LSM3: variants seen among roughly 807,000 people sequenced by gnomAD.
LSM3 encodes the protein U6 snRNA-associated Sm-like protein LSm3.
LSM3 carries 14 observed loss-of-function variants against 15.4 expected under a neutral mutation model. That is an observed-to-expected ratio of 0.91 (90% confidence interval 0.60 to 1.42). The LOEUF is 1.42. Ranked by LOEUF, LSM3 falls within the 40% of genes most tolerant of loss-of-function variation. The pLI is 0.00. For missense variants in LSM3, 88 were observed against 127.9 expected, an observed-to-expected ratio of 0.69 and a Z score of 1.50; for synonymous variants, 46 against 45.1, an observed-to-expected ratio of 1.02 and a Z score of -0.08.
Position 14,199,492 on chromosome 3 carries a change from T to C in LSM3, c.*1376T>C, listed in dbSNP as rs1467160483. ...CACAAATGCACAGTACTTTAAGCCTTGTGCAAGAAAGATGCTTTCAGTAAA... is the reference window on the plus strand; with the variant it reads ...CACAAATGCACAGTACTTTAAGCCTCGTGCAAGAAAGATGCTTTCAGTAAA... On this transcript the variant is annotated 3_prime_UTR_variant, in exon 4 of 4. Transcript: ENST00000306024. 6.6e-6 allele frequency: 1 copy of C among 152,208 alleles called. No homozygotes were observed. The highest frequency in any genetic ancestry group is 1.5e-5 in the Non-Finnish European group (1 of 68,028). The allele number at this position is 152,208 out of a possible 1,614,324, so 9.4% of individuals were successfully genotyped here.
chr3:14,184,908 T>G (rs1182112603), intron 3 of LSM3, among the ~76,000 whole-genome samples: 1 of 151,164 alleles, frequency 6.6e-6, no homozygotes, highest in Non-Finnish European at 1.5e-5. Flanking sequence ...ATACAAAAAA[T>G]TAGCTGGGTG....
intron 3 of LSM3, among the ~76,000 whole-genome samples, chr3:14,189,188 A>C (rs1697117244): frequency 6.6e-6 from 1 of 152,158 alleles, no homozygotes; most frequent in African/African-American, 2.4e-5. Flanking sequence ...ACATTGTCTT[A>C]ATCCAGTCTA....
chr3:14,191,759 G>A (rs1697142064), intron 3 of LSM3, among the ~76,000 whole-genome samples: 1 of 151,336 alleles, frequency 6.6e-6, no homozygotes, highest in South Asian at 2.1e-4. Context: ...ATTTTTTTAG[G>A]GTTTTTCGTG....
intron 3 of LSM3, among the ~76,000 whole-genome samples, chr3:14,194,322 C>T (rs1697168652): frequency 6.6e-6 from 1 of 152,200 alleles, no homozygotes; most frequent in African/African-American, 2.4e-5. Context: ...AGCCGTCAGG[C>T]AGAGACGTTT....
intron 1 of LSM3, among the ~76,000 whole-genome samples, chr3:14,180,371 C>G (rs1201820492): frequency 6.6e-6 from 1 of 151,996 alleles, no homozygotes; most frequent in East Asian, 1.9e-4. Flanking sequence ...TCACTGCAAC[C>G]TCTGCCTCCT....
At chr3:14,194,007 C>G (rs543399406) in intron 3 of LSM3, among the ~76,000 whole-genome samples, 1 of 152,290 alleles carries the variant, frequency 6.6e-6, no homozygotes, top group East Asian at 1.9e-4. Flanking sequence ...GTGTTTGTTT[C>G]TTTCCTTCCA....
Position 14,198,081 on chromosome 3 carries a change from G to A in LSM3, c.274G>A (p.Val92Ile), listed in dbSNP as rs775170512. 9.9e-6 allele frequency: 16 copies of A among 1,613,596 alleles called. No homozygotes were observed. The highest frequency in any genetic ancestry group is 1.7e-4 in the Middle Eastern group (1 of 5,872). ...IPMLFVRGDGVVLVAPPLRVG is the reference protein window; with the variant it reads ...IPMLFVRGDGIVLVAPPLRVG The stretch of plus-strand genomic sequence containing the variant: ...AATGCTCTTTGTCCGGGGAGATGGC[G>A]TTGTCCTGGTTGCCCCTCCACTGAG... Residue 92 changes from valine (V) to isoleucine (I), a missense_variant, in exon 4 of 4, where the codon GTT (valine) becomes ATT (isoleucine). By Grantham distance (29) the Val-to-Ile change is conservative. Transcript: ENST00000306024.
Position 14,200,940 on chromosome 3 carries a change from T to A in LSM3, c.*2824T>A, listed in dbSNP as rs865899075. On this transcript the variant is annotated 3_prime_UTR_variant, in exon 4 of 4. Transcript: ENST00000306024. ...TGAGCCCAGGAGTTCGAGATCAGCC[T>A]GAGCAACATAACAAGACCCTGTCTC... The A allele has an allele frequency of 9.2e-5, 14 of 152,314 alleles. No individual in the cohort carries two copies. The highest frequency in any genetic ancestry group is 3.4e-4 in the African/African-American group (14 of 41,556). 9.4% of individuals were successfully genotyped at this position (152,314 alleles called of 1,614,324 possible).
intron 3 of LSM3, among the ~76,000 whole-genome samples, chr3:14,190,233 A>G (rs914949480): frequency 6.6e-6 from 1 of 152,204 alleles, no homozygotes; most frequent in African/African-American, 2.4e-5. Context: ...AAGTAGTATG[A>G]TGCCTCCAGC....
intron 3 of LSM3, among the ~76,000 whole-genome samples, chr3:14,185,419 A>AT (rs1346253217): frequency 6.6e-6 from 1 of 152,208 alleles, no homozygotes; most frequent in Non-Finnish European, 1.5e-5. Flanking sequence ...TTTATGAACA[A>AT]TAACTATTTT....
chr3:14,180,540 C>T (rs1007445677), intron 1 of LSM3, among the ~76,000 whole-genome samples: 2 of 152,264 alleles, frequency 1.3e-5, no homozygotes, highest in Middle Eastern at 6.8e-3. Context: ...CTGCCTTTCT[C>T]AGCCGCCCAA....
At chr3:14,184,345 A>G (rs778327727) in intron 3 of LSM3, among the ~76,000 whole-genome samples, 38 of 152,366 alleles carry the variant, frequency 2.5e-4, no homozygotes, top group Non-Finnish European at 4.7e-4. Context: ...GTGGCTATGT[A>G]TAATAGTGTG....
chr3:14,189,419 A>G (rs1418004528), intron 3 of LSM3, among the ~76,000 whole-genome samples: 1 of 152,196 alleles, frequency 6.6e-6, no homozygotes, highest in Non-Finnish European at 1.5e-5. Flanking sequence ...ACTCCCACCA[A>G]CAGTGTAAAA....
intron 3 of LSM3, 74 bp downstream of exon 3, chr3:14,184,106 TG>T: frequency 2.0e-6 from 3 of 1,482,090 alleles, no homozygotes; most frequent in Non-Finnish European, 2.7e-6. Flanking sequence ...CCCATATTTA[TG>T]GGAAGCCTGT....
In LSM3 at chr3:14,178,892, T is replaced by C. The variant is rs766543180; in HGVS notation, c.21+11T>C. The C allele has an allele frequency of 6.2e-7, 1 of 1,614,134 alleles. No homozygotes were observed. Among genetic ancestry groups the C allele is most frequent in the Non-Finnish European group, 8.5e-7 (1 of 1,180,026 alleles). ...GACGACGTAGACCAGGTAAGTGTAT[T>C]TTAAGGAGGTCGCTCGAAGGAGCTT... On this transcript the variant is annotated intron_variant, in intron 1 of 3. Transcript: ENST00000306024.
rs1436714313 is a variant in LSM3, at chr3:14,180,820, C to CTTTTTT, written c.22-740_22-739insTTTTTT. ...TGACTCCAAAGCCAGTGCTTGCTTG[C>CTTTTTT]CTTTTTTTTTTTTTTTTTTTTTTTT... On this transcript the variant is annotated intron_variant, in intron 1 of 3. Coordinates refer to ENST00000306024, the MANE Select transcript of LSM3 (RefSeq NM_014463.3). Among the ~76,000 whole-genome samples, 10 of 51,398 alleles carry CTTTTTT rather than the reference C, an allele frequency of 1.9e-4. 3 individuals carry two copies. The highest frequency in any genetic ancestry group is 3.1e-4 in the African/African-American group (4 of 13,078). The allele number at this position is 51,398 out of a possible 152,430, so 33.7% of individuals were successfully genotyped here. A position where few individuals can be genotyped will look rare whatever the true frequency, so the allele number is the denominator to read the frequency against.
chr3:14,191,346 T>G (rs1332824118), intron 3 of LSM3, among the ~76,000 whole-genome samples: 1 of 152,226 alleles, frequency 6.6e-6, no homozygotes, highest in East Asian at 1.9e-4. Context: ...TGGAATAGTT[T>G]TAGAAGGAAT....
At chr3:14,185,483 T>C (rs1317905904) in intron 3 of LSM3, among the ~76,000 whole-genome samples, 1 of 152,238 alleles carries the variant, frequency 6.6e-6, no homozygotes, top group Non-Finnish European at 1.5e-5. Context: ...TGCAAATCTC[T>C]TTAATGCCCC....
intron 3 of LSM3, among the ~76,000 whole-genome samples, chr3:14,190,369 A>G (rs866021420): frequency 4.1e-4 from 63 of 152,272 alleles, no homozygotes; most frequent in African/African-American, 1.3e-3. Context: ...CATTAAATCT[A>G]TAAATTACTT....
Sources: allele counts gnomAD v4.1 joint callset (sites outside exome capture counted in the v4.1 genomes callset), GRCh38; gene constraint gnomAD v4.1.1; transcripts MANE v1.5; gene names NCBI Gene and HGNC (gene_info 2026-07-23, HGNC 2026-07-21).